CRYBB2: variants seen among roughly 807,000 people sequenced by gnomAD.
The protein encoded by CRYBB2 is beta-crystallin B2.
A neutral mutation model predicts 24.3 loss-of-function variants in CRYBB2; 12 were observed. The observed-to-expected ratio is 0.49, with a 90% CI of 0.32 to 0.80. The LOEUF (loss-of-function observed/expected upper bound fraction) is 0.80, where lower values mean the gene tolerates loss of function less well. Ranked by LOEUF, CRYBB2 falls within the 30% of genes least tolerant of loss-of-function variation. The probability of loss-of-function intolerance (pLI) is 0.04; values close to 1 mark genes in which losing one functional copy is unlikely to be tolerated. For synonymous variants in CRYBB2, 98 were observed against 101.6 expected (o/e 0.96, Z 0.21); for missense variants, 198 against 268.5 (o/e 0.74, Z 1.83).
intron 5 of CRYBB2, among the ~76,000 whole-genome samples, chr22:25,230,644 T>C (rs1433550098): frequency 6.9e-6 from 1 of 144,778 alleles, no homozygotes; most frequent in East Asian, 2.0e-4. Context: ...ACTCCTAAAA[T>C]AGTGTGCAAA....
chr22:25,218,838 G>GAAAGAAAAAGAAAGAAAGAA (rs386365958), upstream of CRYBB2, among the ~76,000 whole-genome samples: 2 of 97,992 alleles, frequency 2.0e-5, no homozygotes, highest in Non-Finnish European at 4.1e-5. Context: ...AAGAAAGAAA[G>GAAAGAAAAAGAAAGAAAGAA]AGAAAGAAAG....
At chr22:25,221,578 C>T in intron 2 of CRYBB2, 95 bp downstream of exon 2, 1 of 910,966 alleles carries the variant, frequency 1.1e-6, no homozygotes, top group Admixed American at 1.9e-5. Context: ...TTCATGGGTA[C>T]CCCCTCTCGA....
chr22:25,230,081 G>A (rs949565771), intron 5 of CRYBB2, among the ~76,000 whole-genome samples: 1 of 151,974 alleles, frequency 6.6e-6, no homozygotes, highest in Admixed American at 6.6e-5. Context: ...TAATAAATTT[G>A]GATTCCATGG....
At chr22:25,229,694 G>T in intron 5 of CRYBB2, 116 bp downstream of exon 5, 1 of 1,427,504 alleles carries the variant, frequency 7.0e-7, no homozygotes, top group South Asian at 1.2e-5. Context: ...GTGCTCTGCT[G>T]ACCTCTGGCT....
At chr22:25,219,951 C>T (rs1373975480) in intron 1 of CRYBB2, among the ~76,000 whole-genome samples, 1 of 152,074 alleles carries the variant, frequency 6.6e-6, no homozygotes, top group Admixed American at 6.5e-5. Context: ...ATCCTTGTTT[C>T]GCCAGTCGCT....
intron 2 of CRYBB2, among the ~76,000 whole-genome samples, chr22:25,223,804 G>T (rs1193374402): frequency 1.3e-5 from 2 of 152,094 alleles, no homozygotes; most frequent in Non-Finnish European, 2.9e-5. Context: ...GGGAAGTGTG[G>T]CTGGAAAACC....
chr22:25,215,959 C>T (rs1054017729), upstream of CRYBB2, among the ~76,000 whole-genome samples: 3 of 152,154 alleles, frequency 2.0e-5, no homozygotes, highest in Non-Finnish European at 4.4e-5. Context: ...GGCTTAGTCT[C>T]TCTGAGCCTC....
intron 3 of CRYBB2, 38 bp from the exon 4 acceptor site, chr22:25,227,815 G>T: frequency 6.2e-7 from 1 of 1,613,702 alleles, no homozygotes; most frequent in Non-Finnish European, 8.5e-7. Context: ...GCTTGGAGTG[G>T]AACTGACCTG....
chr22:25,230,936 GACA>G (rs1935520776), intron 5 of CRYBB2, among the ~76,000 whole-genome samples: 2 of 152,144 alleles, frequency 1.3e-5, no homozygotes, highest in Admixed American at 1.3e-4. Context: ...GAGCATCCCA[GACA>G]ACGAGAGCAG....
chr22:25,224,773 C>A (rs1935383263), intron 2 of CRYBB2, 145 bp from the exon 3 acceptor site: 15 of 752,666 alleles, frequency 2.0e-5, no homozygotes, highest in South Asian at 1.8e-4. Context: ...AGAGCCAGGG[C>A]TGTTTGATTT....
chr22:25,230,919 C>G (rs1388740027), intron 5 of CRYBB2, among the ~76,000 whole-genome samples: 1 of 151,884 alleles, frequency 6.6e-6, no homozygotes, highest in Non-Finnish European at 1.5e-5. Context: ...GTAAAGAGGC[C>G]AAGGAAGAGC....
intron 2 of CRYBB2, among the ~76,000 whole-genome samples, chr22:25,223,736 G>T (rs1281326653): frequency 6.6e-6 from 1 of 152,168 alleles, no homozygotes; most frequent in Non-Finnish European, 1.5e-5. Flanking sequence ...TTCTGTAGCT[G>T]CCCCGACTGA....
At chr22:25,217,085 G>C (rs1241933296), upstream of CRYBB2, among the ~76,000 whole-genome samples, 3 of 152,114 alleles carry the variant, frequency 2.0e-5, no homozygotes, top group South Asian at 6.2e-4. Context: ...ATGAACATGG[G>C]TGTGTAAATA....
upstream of CRYBB2, among the ~76,000 whole-genome samples, chr22:25,218,987 C>T (rs1935275775): frequency 6.6e-6 from 1 of 152,126 alleles, no homozygotes; most frequent in Non-Finnish European, 1.5e-5. Context: ...ACATGTCATG[C>T]TTTAGCTTTG....
At chr22:25,221,510 T>G (rs752704224) in intron 2 of CRYBB2, 27 bp downstream of exon 2, 2 of 1,570,928 alleles carry the variant, frequency 1.3e-6, no homozygotes, top group African/African-American at 2.7e-5. Context: ...GGAGGGGGCA[T>G]GCAATGCTCC....
chr22:25,218,715 A>AGAGAGAGAGAGAGAGAGGGG (rs1569015838), upstream of CRYBB2, among the ~76,000 whole-genome samples: 1 of 102,890 alleles, frequency 9.7e-6, no homozygotes, highest in Non-Finnish European at 1.9e-5. Context: ...GGGGAGAGAG[A>AGAGAGAGAGAGAGAGAGGGG]GAGAGAGAGA....
chr22:25,228,025 A>G, intron 4 of CRYBB2, 40 bp downstream of exon 4: 1 of 1,613,568 alleles, frequency 6.2e-7, no homozygotes, highest in Non-Finnish European at 8.5e-7. Flanking sequence ...CTCTCTGCCC[A>G]TCATCCTACT....
At chr22:25,218,796 A>AAG (rs746424244), upstream of CRYBB2, among the ~76,000 whole-genome samples, 30 of 113,420 alleles carry the variant, frequency 2.6e-4, no homozygotes, top group Non-Finnish European at 5.1e-4. Context: ...GAAAGAAAGA[A>AAG]AGAAAGAAAG....
upstream of CRYBB2, among the ~76,000 whole-genome samples, chr22:25,218,779 GAAGAA>G (rs1464937648): frequency 1.9e-3 from 67 of 34,520 alleles, 3 homozygotes; most frequent in South Asian, 3.6e-3. Context: ...GAGAGAGAGA[GAAGAA>G]AGAAAGAAAG....
Sources: gnomAD v4.1 joint callset for allele counts (sites outside exome capture counted in the v4.1 genomes callset) on GRCh38, gnomAD v4.1.1 for gene constraint, MANE v1.5 for transcripts, NCBI Gene and HGNC (gene_info 2026-07-23, HGNC 2026-07-21) for gene names.